Variants in MC2R observed in about 807,000 individuals in gnomAD.
The protein encoded by MC2R is melanocortin 2 receptor, also known as adrenocorticotropic hormone receptor.
A neutral mutation model predicts 9.8 loss-of-function variants in MC2R; 9 were observed. The ratio of observed to expected loss-of-function variants is 0.92; its 90% CI spans 0.55 to 1.60. MC2R has a LOEUF of 1.60. MC2R is among the 40% of genes most tolerant of loss of function. MC2R has a pLI of 0.00. For synonymous variants in MC2R, 185 were observed against 154.7 expected (o/e 1.20, Z -1.45); for missense variants, 370 against 389.0 (o/e 0.95, Z 0.41).
At chr18:13,893,025 G>A (rs754234379) in intron 1 of MC2R, among the ~76,000 whole-genome samples, 6 of 152,196 alleles carry the variant, frequency 3.9e-5, no homozygotes, top group Non-Finnish European at 8.8e-5. Flanking sequence ...TCTTGTGCTT[G>A]TTTTGGTGCC....
intron 1 of MC2R, among the ~76,000 whole-genome samples, chr18:13,896,191 G>A (rs2045345420): frequency 6.6e-6 from 1 of 152,190 alleles, no homozygotes; most frequent in Non-Finnish European, 1.5e-5. Flanking sequence ...AAAAGTATAA[G>A]GCCAAGATTC....
At chr18:13,902,886 C>T (rs891604194) in intron 1 of MC2R, among the ~76,000 whole-genome samples, 1 of 152,076 alleles carries the variant, frequency 6.6e-6, no homozygotes, top group East Asian at 1.9e-4. Context: ...AGGAAACAAC[C>T]CACAAAGTGA....
intron 1 of MC2R, among the ~76,000 whole-genome samples, chr18:13,890,379 G>C (rs182265973): frequency 6.6e-6 from 1 of 152,282 alleles, no homozygotes; most frequent in East Asian, 1.9e-4. Flanking sequence ...GAAGAGCTGG[G>C]GAAGGAGGAC....
At position 13,884,213 on chromosome 18, in the gene MC2R, A is replaced by T. The variant is rs2149134621; in HGVS notation, c.*412T>A. On this transcript the variant is annotated 3_prime_UTR_variant, in exon 2 of 2. Transcript: ENST00000327606. ...GCAATGGCCTCCACCTGGAAAGGCC[A>T]CCTCAGAACTGGCTTGTTAGATGTC... 1 of 258,430 alleles carries T rather than the reference A, an allele frequency of 3.9e-6. No homozygotes were observed. The highest frequency in any genetic ancestry group is 9.5e-5 in the East Asian group (1 of 10,472). The allele number at this position is 258,430 out of a possible 1,614,324, so 16.0% of individuals were successfully genotyped here. A position where few individuals can be genotyped will look rare whatever the true frequency, so the allele number is the denominator to read the frequency against.
chr18:13,913,383 G>A (rs12456726), intron 1 of MC2R, among the ~76,000 whole-genome samples: 79,460 of 151,810 alleles, frequency 0.52, 21,957 homozygotes, highest in African/African-American at 0.71. Flanking sequence ...AACGCTTGCT[G>A]CCCCCAGGTT....
intron 1 of MC2R, among the ~76,000 whole-genome samples, chr18:13,903,213 G>A (rs1441894188): frequency 6.6e-6 from 1 of 152,198 alleles, no homozygotes; most frequent in Non-Finnish European, 1.5e-5. Flanking sequence ...TAAGGATGTG[G>A]AGAAAAGGGA....
At chr18:13,898,331 G>T (rs1248534502) in intron 1 of MC2R, among the ~76,000 whole-genome samples, 1 of 152,176 alleles carries the variant, frequency 6.6e-6, no homozygotes, top group African/African-American at 2.4e-5. Context: ...TGTGTCTTGT[G>T]GTTTGAGTGT....
intron 1 of MC2R, among the ~76,000 whole-genome samples, chr18:13,904,496 C>T (rs371118010): frequency 5.3e-5 from 8 of 151,642 alleles, no homozygotes; most frequent in South Asian, 4.2e-4. Context: ...AACAAGACAA[C>T]GATGCCCACT....
At chr18:13,904,284 G>A (rs1425875066) in intron 1 of MC2R, among the ~76,000 whole-genome samples, 1 of 151,068 alleles carries the variant, frequency 6.6e-6, no homozygotes, top group Non-Finnish European at 1.5e-5. Flanking sequence ...CGGAGGCTGA[G>A]GCAGGAGAAT....
Position 13,882,249 on chromosome 18 carries a change from C to T in MC2R, c.*2376G>A, listed in dbSNP as rs2045236351. 6.6e-6 allele frequency: 1 copy of T among 152,198 alleles called. No individual in the cohort carries two copies. The highest frequency in any genetic ancestry group is 2.4e-5 in the African/African-American group (1 of 41,450). 9.4% of individuals were successfully genotyped at this position (152,198 alleles called of 1,614,324 possible). ...GTCTGAAGCTTGTTGATCTTCCTCA[C>T]ACAAATATGTGCAGTTTGGTGGTGC... On this transcript the variant is annotated 3_prime_UTR_variant, in exon 2 of 2. Coordinates refer to ENST00000327606, the MANE Select transcript of MC2R (RefSeq NM_000529.2).
intron 1 of MC2R, among the ~76,000 whole-genome samples, chr18:13,898,668 AAGAG>A (rs565627855): frequency 6.6e-6 from 1 of 152,144 alleles, no homozygotes; most frequent in Non-Finnish European, 1.5e-5. Context: ...GGTGGCTCAG[AAGAG>A]AGAGAGAGAC....
chr18:13,884,778 AC>A lies in MC2R; in HGVS notation c.740del (p.Ser247IlefsTer14). 1 of 1,614,010 alleles carries A rather than the reference AC, an allele frequency of 6.2e-7. No homozygotes were observed. Among genetic ancestry groups the A allele is most frequent in the Non-Finnish European group, 8.5e-7 (1 of 1,180,018 alleles). ...LHVLLMTFCP[S>X]NPYCACYMSL... Reference sequence around the variant, plus strand: ...ACATGTAGCAGGCGCAGTAGGGGTTACTTGGGCAGAATGTCATCAAGAGGAC... The same window carrying A: ...ACATGTAGCAGGCGCAGTAGGGGTTATTGGGCAGAATGTCATCAAGAGGAC... On this transcript the variant is annotated frameshift_variant, in exon 2 of 2. Coordinates refer to ENST00000327606, the MANE Select transcript of MC2R (RefSeq NM_000529.2). LOFTEE classifies it high-confidence loss of function.
chr18:13,894,892 AC>A (rs1481407323), intron 1 of MC2R, among the ~76,000 whole-genome samples: 2 of 152,156 alleles, frequency 1.3e-5, no homozygotes, highest in African/African-American at 4.8e-5. Flanking sequence ...CTCCATATCA[AC>A]CCACGCGACC....
chr18:13,890,200 T>C (rs7230126), intron 1 of MC2R, among the ~76,000 whole-genome samples: 44,977 of 151,976 alleles, frequency 0.3, 7,003 homozygotes, highest in Non-Finnish European at 0.35. Context: ...ACTTGTGGTT[T>C]AGGAAGGGAG....
At chr18:13,888,347 GCAGGTGGTGTGTGGCCC>G (rs2045290208) in intron 1 of MC2R, among the ~76,000 whole-genome samples, 1 of 152,202 alleles carries the variant, frequency 6.6e-6, no homozygotes, top group South Asian at 2.1e-4. Context: ...GGTGGGGGCT[GCAGGTGGTGTGTGGCCC>G]CATTCTTGGT....
chr18:13,892,287 G>C (rs1442084111), intron 1 of MC2R, among the ~76,000 whole-genome samples: 2 of 152,084 alleles, frequency 1.3e-5, no homozygotes, highest in Non-Finnish European at 2.9e-5. Context: ...AAGAGTTATT[G>C]TGACTTTTGC....
At chr18:13,907,808 T>C (rs4121592) in intron 1 of MC2R, among the ~76,000 whole-genome samples, 3,814 of 152,012 alleles carry the variant, frequency 0.025, 123 homozygotes, top group African/African-American at 0.088. Flanking sequence ...ATCAGAGAAA[T>C]GAAAATCAAA....
intron 1 of MC2R, among the ~76,000 whole-genome samples, chr18:13,914,395 C>A (rs1199808956): frequency 2.6e-5 from 4 of 152,192 alleles, no homozygotes; most frequent in Non-Finnish European, 5.9e-5. Flanking sequence ...CTTAGGCTTG[C>A]AACAAGGCCC....
rs2045248845 is a variant in MC2R, at chr18:13,883,614, CA to C, written c.*1010del. 2.0e-5 allele frequency: 2 copies of C among 102,266 alleles called. No homozygotes were observed. Among genetic ancestry groups the C allele is most frequent in the Admixed American group, 2.3e-4 (2 of 8,676 alleles). The allele number at this position is 102,266 out of a possible 1,614,324, so 6.3% of individuals were successfully genotyped here. A position where few individuals can be genotyped will look rare whatever the true frequency, so the allele number is the denominator to read the frequency against. On this transcript the variant is annotated 3_prime_UTR_variant, in exon 2 of 2. Transcript: ENST00000327606. Reference sequence around the variant, plus strand: ...ACACACACACACACACACACACACACACACACACACACACTCTCTCTCTCTC... The same window carrying C: ...ACACACACACACACACACACACACACCACACACACACACTCTCTCTCTCTC...
Sources: allele counts gnomAD v4.1 joint callset (sites outside exome capture counted in the v4.1 genomes callset), GRCh38; gene constraint gnomAD v4.1.1; transcripts MANE v1.5; gene names NCBI Gene and HGNC (gene_info 2026-07-23, HGNC 2026-07-21).